Variants in CDK17 observed in about 807,000 individuals in gnomAD.
The protein encoded by CDK17 is cyclin-dependent kinase 17.
Under a neutral mutation model 77.6 loss-of-function variants are expected in CDK17, and 24 were observed. The ratio of observed to expected loss-of-function variants is 0.31; its 90% CI spans 0.22 to 0.44. CDK17 has a LOEUF of 0.44. CDK17 is among the 20% of genes least tolerant of loss of function. CDK17 has a pLI of 1.00. For missense variants in CDK17, 429 were observed against 622.5 expected, an observed-to-expected ratio of 0.69 and a Z score of 3.31; for synonymous variants, 203 against 210.4, an observed-to-expected ratio of 0.96 and a Z score of 0.30.
rs1952154720 is a variant in CDK17, at chr12:96,280,007, C to G, written c.*235G>C. ...GCTATAGTTACATCAATAGCTGTAA[C>G]CTACTGGCTCTAATGGCAGAGAAGA... is the stretch of plus-strand genomic sequence containing the variant. On this transcript the variant is annotated 3_prime_UTR_variant, in exon 17 of 17. Transcript: ENST00000261211. The G allele has an allele frequency of 7.1e-6, 3 of 424,188 alleles. No homozygotes were observed. The East Asian group carries it at 1.1e-4, about 16-fold the overall frequency. 26.3% of individuals were successfully genotyped at this position (424,188 alleles called of 1,614,324 possible).
intron 10 of CDK17, among the ~76,000 whole-genome samples, chr12:96,292,930 C>G (rs1454407053): frequency 6.6e-6 from 1 of 151,960 alleles, no homozygotes; most frequent in Non-Finnish European, 1.5e-5. Flanking sequence ...TAAGGGAACG[C>G]CTTTCAGTAG....
intron 1 of CDK17, among the ~76,000 whole-genome samples, chr12:96,366,099 ATT>A (rs1460915769): frequency 1.3e-5 from 2 of 152,140 alleles, no homozygotes; most frequent in Non-Finnish European, 2.9e-5. Flanking sequence ...CTGAGAAGAG[ATT>A]TCAGACACCG....
intron 10 of CDK17, among the ~76,000 whole-genome samples, chr12:96,293,397 C>T (rs74942747): frequency 0.013 from 1,918 of 152,070 alleles, 28 homozygotes; most frequent in African/African-American, 0.044. Flanking sequence ...TTCTGTGTGT[C>T]GTGATATGTT....
At chr12:96,359,358 C>G (rs1461802682) in intron 1 of CDK17, among the ~76,000 whole-genome samples, 1 of 152,152 alleles carries the variant, frequency 6.6e-6, no homozygotes, top group Non-Finnish European at 1.5e-5. Flanking sequence ...GTTATAATAA[C>G]AAAGATTTTA....
chr12:96,362,599 A>G (rs10860022), intron 1 of CDK17, among the ~76,000 whole-genome samples: 98,411 of 136,222 alleles, frequency 0.72, 32,741 homozygotes, highest in East Asian at 0.85. Flanking sequence ...GTAAAACTTC[A>G]TCTGTAAATC....
chr12:96,376,908 G>C (rs1442299955), intron 1 of CDK17, among the ~76,000 whole-genome samples: 1 of 152,046 alleles, frequency 6.6e-6, no homozygotes, highest in African/African-American at 2.4e-5. Context: ...ATAATCAGTA[G>C]AAAAAATACT....
chr12:96,293,639 T>G (rs1952358786), intron 10 of CDK17, among the ~76,000 whole-genome samples: 1 of 152,212 alleles, frequency 6.6e-6, no homozygotes, highest in South Asian at 2.1e-4. Context: ...GAACTTCTCA[T>G]GCTTTTGTTG....
intron 1 of CDK17, among the ~76,000 whole-genome samples, chr12:96,395,170 C>T (rs1011485359): frequency 6.6e-6 from 1 of 152,014 alleles, no homozygotes; most frequent in African/African-American, 2.4e-5. Context: ...CACCATGCCT[C>T]GCCCATATAA....
At chr12:96,285,988 A>G in intron 13 of CDK17, 55 bp downstream of exon 13, 3 of 871,444 alleles carry the variant, frequency 3.4e-6, no homozygotes, top group Admixed American at 1.8e-5. Context: ...TAATCCTTCA[A>G]AAGATTGAAA....
chr12:96,353,922 A>G (rs1030363271), intron 1 of CDK17, among the ~76,000 whole-genome samples: 4 of 152,206 alleles, frequency 2.6e-5, no homozygotes, highest in African/African-American at 4.8e-5. Flanking sequence ...AAAAAAGTCA[A>G]TGTTTAAAGT....
At chr12:96,318,040 T>C (rs1952757563) in intron 3 of CDK17, among the ~76,000 whole-genome samples, 1 of 152,102 alleles carries the variant, frequency 6.6e-6, no homozygotes, top group South Asian at 2.1e-4. Flanking sequence ...CAGTGTGCTG[T>C]ATTCAGGAAA....
At chr12:96,282,671 T>C in intron 14 of CDK17, 72 bp from the exon 15 acceptor site, 1 of 921,416 alleles carries the variant, frequency 1.1e-6, no homozygotes, top group Non-Finnish European at 1.8e-6. Context: ...ATGGGCAAAT[T>C]AGCATTTAGA....
chr12:96,307,611 C>T (rs1033434097), intron 5 of CDK17, among the ~76,000 whole-genome samples: 5 of 152,166 alleles, frequency 3.3e-5, no homozygotes, highest in African/African-American at 1.2e-4. Flanking sequence ...TGGCTTATGC[C>T]TGTAATCCCA....
intron 13 of CDK17, 31 bp downstream of exon 13, chr12:96,286,012 T>G (rs755916880): frequency 1.0e-5 from 11 of 1,060,312 alleles, no homozygotes; most frequent in Non-Finnish European, 1.6e-5. Flanking sequence ...ATCATGTGTT[T>G]TCCCCCCTTT....
chr12:96,358,660 A>G (rs1394302101), intron 1 of CDK17, among the ~76,000 whole-genome samples: 3 of 152,002 alleles, frequency 2.0e-5, no homozygotes, highest in Non-Finnish European at 2.9e-5. Flanking sequence ...CATCTCTAGT[A>G]AAAATACAAA....
chr12:96,360,011 A>G lies in CDK17; in HGVS notation c.-29-25146T>C, dbSNP rs1334944933. Among the ~76,000 whole-genome samples, 4 of 152,338 alleles carry G rather than the reference A, an allele frequency of 2.6e-5. No individual in the cohort carries two copies. In the East Asian group the frequency reaches 7.7e-4, roughly 29 times the overall value. On this transcript the variant is annotated intron_variant, in intron 1 of 16. Coordinates refer to ENST00000261211, the MANE Select transcript of CDK17 (RefSeq NM_002595.5). Reference sequence around the variant, plus strand: ...GATTTGTTTAATTATACTTAGGGGAAGGTAACCTACACTAAAAGGTATTAA... The same window carrying G: ...GATTTGTTTAATTATACTTAGGGGAGGGTAACCTACACTAAAAGGTATTAA...
rs534775614 is a variant in CDK17 at position 96,366,060 on chromosome 12, T to C, written c.-29-31195A>G. On this transcript the variant is annotated intron_variant, in intron 1 of 16. Coordinates refer to ENST00000261211, the MANE Select transcript of CDK17 (RefSeq NM_002595.5). ...AATTCCACAATTAGTAAGGAAAATT[T>C]TTCTACTGCTGGTTACATTTCAACA... is the stretch of plus-strand genomic sequence containing the variant. 2.6e-4 allele frequency among the ~76,000 whole-genome samples: 39 copies of C among 152,276 alleles called. No individual in the cohort carries two copies. In the South Asian group the frequency reaches 7.1e-3, roughly 28 times the overall value.
At chr12:96,334,669 C>A in intron 2 of CDK17, 50 bp downstream of exon 2, 1 of 936,164 alleles carries the variant, frequency 1.1e-6, no homozygotes, top group South Asian at 1.4e-5. Flanking sequence ...ACATTCTATT[C>A]ATAAAGTAAT....
chr12:96,340,312 A>C (rs1186293314), intron 1 of CDK17, among the ~76,000 whole-genome samples: 3 of 152,166 alleles, frequency 2.0e-5, no homozygotes, highest in Non-Finnish European at 4.4e-5. Context: ...AATTTTAACT[A>C]TACTTATTTT....
Sources: allele counts gnomAD v4.1 joint callset (sites outside exome capture counted in the v4.1 genomes callset), GRCh38; gene constraint gnomAD v4.1.1; transcripts MANE v1.5; gene names NCBI Gene and HGNC (gene_info 2026-07-23, HGNC 2026-07-21).